LRRC23: variants seen among roughly 807,000 people sequenced by gnomAD.
LRRC23 encodes leucine rich repeat containing 23, also known as leucine-rich repeat-containing protein 23.
In LRRC23, 28 loss-of-function variants were observed where a neutral mutation model predicts 37.7. That is an observed-to-expected ratio of 0.74 (90% CI 0.55 to 1.02). The LOEUF (loss-of-function observed/expected upper bound fraction) is 1.02. Ranked by LOEUF, LRRC23 falls within the 50% of genes least tolerant of loss-of-function variation. LRRC23 has a pLI of 0.00. For synonymous variants in LRRC23, 161 were observed against 165.4 expected (o/e 0.97, Z 0.20); for missense variants, 377 against 413.2 (o/e 0.91, Z 0.76).
At position 6,905,611 on chromosome 12, in the gene LRRC23, A is replaced by G. The variant is rs1555139354; in HGVS notation, c.-23A>G. The stretch of plus-strand genomic sequence containing the variant: ...AGGAGGACTGAGCTTATCTGACTCC[A>G]GAGCTTTCAGGAGGGAAGAAAGATG... On this transcript the variant is annotated 5_prime_UTR_variant, in exon 2 of 8. Transcript: ENST00000443597. 6.2e-7 allele frequency: 1 copy of G among 1,613,014 alleles called. No homozygotes were observed. The highest frequency in any genetic ancestry group is 8.5e-7 in the Non-Finnish European group (1 of 1,179,272).
At chr12:6,912,505 TAC>T (rs1427352803) in intron 6 of LRRC23, among the ~76,000 whole-genome samples, 1 of 152,086 alleles carries the variant, frequency 6.6e-6, no homozygotes, top group African/African-American at 2.4e-5. Flanking sequence ...ATGAATGTAT[TAC>T]AGAGTAGAAT....
chr12:6,906,219 C>T (rs1298761011), intron 3 of LRRC23, among the ~76,000 whole-genome samples, 190 bp from the exon 4 acceptor site: 1 of 152,072 alleles, frequency 6.6e-6, no homozygotes, highest in African/African-American at 2.4e-5. Context: ...CCTTCACAGA[C>T]ACAGGTCTCT....
In LRRC23 at chr12:6,913,961, C is replaced by G. The variant is rs782689359; in HGVS notation, c.*95C>G. The G allele has an allele frequency of 2.5e-6, 4 of 1,613,876 alleles. No homozygotes were observed. Among genetic ancestry groups the G allele is most frequent in the South Asian group, 2.2e-5 (2 of 91,066 alleles). ...CAGCCACCACATGTATGACAGAGAA[C>G]AGAGGATGCCTGTTTTTGCCCCAAA... On this transcript the variant is annotated 3_prime_UTR_variant, in exon 8 of 8. Transcript: ENST00000443597.
At chr12:6,908,659 A>G (rs1264827192) in intron 5 of LRRC23, among the ~76,000 whole-genome samples, 1 of 122,628 alleles carries the variant, frequency 8.2e-6, no homozygotes, top group African/African-American at 4.0e-5. Flanking sequence ...TCTACTAAAA[A>G]TACAAAAAAA....
chr12:6,914,099 G>C lies in LRRC23; in HGVS notation c.*233G>C. The C allele has an allele frequency of 6.6e-7, 1 of 1,512,572 alleles. No homozygotes were observed. Among genetic ancestry groups the C allele is most frequent in the Non-Finnish European group, 8.8e-7 (1 of 1,132,276 alleles). The allele number at this position is 1,512,572 out of a possible 1,614,324, so 93.7% of individuals were successfully genotyped here. A position where few individuals can be genotyped will look rare whatever the true frequency, so the allele number is the denominator to read the frequency against. Reference sequence around the variant, plus strand: ...CTGAGCGTTGCCTGGAGCCTAGGCCGGGGGCCGCCCTCGGGCAGGCGTGGG... The same window carrying C: ...CTGAGCGTTGCCTGGAGCCTAGGCCCGGGGCCGCCCTCGGGCAGGCGTGGG... On this transcript the variant is annotated 3_prime_UTR_variant, in exon 8 of 8. Transcript: ENST00000443597. This position sits in a 1 kb window ranked among gnomAD's most constrained non-coding sequence, Gnocchi z 7.1.
chr12:6,912,754 G>T lies in LRRC23; in HGVS notation c.783G>T (p.Gly261=). ...NLRGNMVANL[G]ELAKLRDLPK... ...GGGGCAACATGGTGGCCAACCTGGGGGAGCTGGCCAAGCTTCGAGACCTGC... is the reference window on the plus strand; with the variant it reads ...GGGGCAACATGGTGGCCAACCTGGGTGAGCTGGCCAAGCTTCGAGACCTGC... The change falls in exon 7 of 8, where the codon GGG becomes GGT. Residue 261 remains glycine, a synonymous_variant. Transcript: ENST00000443597. The T allele has an allele frequency of 6.2e-7, 1 of 1,614,018 alleles. No individual in the cohort carries two copies. The highest frequency in any genetic ancestry group is 8.5e-7 in the Non-Finnish European group (1 of 1,180,012).
chr12:6,910,777 C>T (rs1297011731), intron 6 of LRRC23, among the ~76,000 whole-genome samples: 1 of 151,730 alleles, frequency 6.6e-6, no homozygotes, highest in African/African-American at 2.4e-5. Context: ...ATTAACTGAG[C>T]CTGGTGGTGC....
At chr12:6,910,431 C>T (rs972471614) in intron 6 of LRRC23, among the ~76,000 whole-genome samples, 3 of 151,876 alleles carry the variant, frequency 2.0e-5, no homozygotes, top group East Asian at 3.9e-4. Context: ...AATAATGGCC[C>T]GGCATGGTGG....
At chr12:6,909,180 AATTATATATT>A (rs1191762994) in intron 5 of LRRC23, among the ~76,000 whole-genome samples, 1 of 19,426 alleles carries the variant, frequency 5.1e-5, no homozygotes, top group Non-Finnish European at 6.8e-5. Flanking sequence ...TATAATATAT[AATTATATATT>A]ATATATAATA....
chr12:6,913,567 T>TTG (rs1555141116), intron 7 of LRRC23, among the ~76,000 whole-genome samples: 2 of 126,744 alleles, frequency 1.6e-5, no homozygotes, highest in African/African-American at 6.2e-5. Flanking sequence ...TTTTTTTTTT[T>TTG]TTTTTTTTTT....
chr12:6,911,746 G>T (rs1010849808), intron 6 of LRRC23, among the ~76,000 whole-genome samples: 3 of 152,154 alleles, frequency 2.0e-5, no homozygotes, highest in Admixed American at 6.5e-5. Flanking sequence ...GGTGGCTCAC[G>T]CCTGTAATCC....
At chr12:6,913,852 A>T (rs781806958) in intron 7 of LRRC23, 39 bp from the exon 8 acceptor site, 1 of 1,477,450 alleles carries the variant, frequency 6.8e-7, no homozygotes, top group East Asian at 2.4e-5. Context: ...GGTGAGCCAC[A>T]GCGCCTGGTC....
At chr12:6,907,956 T>TA (rs1347894623) in intron 5 of LRRC23, among the ~76,000 whole-genome samples, 1 of 152,150 alleles carries the variant, frequency 6.6e-6, no homozygotes, top group African/African-American at 2.4e-5. Context: ...ACCGCCCACA[T>TA]ACACCAGTTG....
chr12:6,913,075 A>G (rs1945206929), intron 7 of LRRC23, 48 bp downstream of exon 7: 2 of 1,573,360 alleles, frequency 1.3e-6, no homozygotes, highest in Non-Finnish European at 1.7e-6. Flanking sequence ...AGGGCTGGGC[A>G]GGTAGGGGAA....
Position 6,909,166 on chromosome 12 carries a change from A to ATATATAATATATAATTATATATT in LRRC23, c.622-724_622-723insTATATAATATATAATTATATATT, listed in dbSNP as rs1565553695. On this transcript the variant is annotated intron_variant, in intron 5 of 7. Coordinates refer to ENST00000443597, the MANE Select transcript of LRRC23 (RefSeq NM_001135217.2). ...ATTATATATTATATATTATATATAA[A>ATATATAATATATAATTATATATT]ATATATAATATATAATTATATATTA... Among the ~76,000 whole-genome samples, 3 of 11,274 alleles carry ATATATAATATATAATTATATATT rather than the reference A, an allele frequency of 2.7e-4. 1 individual carries two copies. Among genetic ancestry groups the ATATATAATATATAATTATATATT allele is most frequent in the Non-Finnish European group, 3.3e-4 (3 of 8,980 alleles). 7.4% of individuals were successfully genotyped at this position (11,274 alleles called of 152,430 possible). A position where few individuals can be genotyped will look rare whatever the true frequency, so the allele number is the denominator to read the frequency against.
intron 4 of LRRC23, among the ~76,000 whole-genome samples, chr12:6,906,939 G>A (rs1466112256): frequency 2.0e-5 from 3 of 152,174 alleles, no homozygotes; most frequent in African/African-American, 4.8e-5. Flanking sequence ...ATGTTAAAAG[G>A]AGACAAGTGC....
In LRRC23 at chr12:6,912,893, G is replaced by T; in HGVS notation, c.922G>T (p.Glu308Ter). 1 of 1,614,120 alleles carries T rather than the reference G, an allele frequency of 6.2e-7. No individual in the cohort carries two copies. Residue 308 changes from glutamate to a stop codon, truncating the protein, a stop_gained, in exon 7 of 8, where the codon GAG becomes TAG. Transcript: ENST00000443597. LOFTEE classifies it high-confidence loss of function. Reference sequence around the variant, plus strand: ...TGAACGCCTGGACAAGGAATTCTATGAGGAGGAGGAACGGGCTGAGGCTGA... The same window carrying T: ...TGAACGCCTGGACAAGGAATTCTATTAGGAGGAGGAACGGGCTGAGGCTGA... ...YLERLDKEFY[E>*]EEERAEADVI...
rs781930057 is a variant in LRRC23 at position 6,905,603 on chromosome 12, C to A, written c.-31C>A. The A allele has an allele frequency of 8.2e-5, 133 of 1,612,394 alleles. No homozygotes were observed. Among genetic ancestry groups the A allele is most frequent in the Non-Finnish European group, 1.1e-4 (131 of 1,179,084 alleles). On this transcript the variant is annotated 5_prime_UTR_variant, in exon 2 of 8. In the 5' UTR this introduces an upstream ATG that the reference lacks. Transcript: ENST00000443597. ...TTTTCAGGAGGAGGACTGAGCTTAT[C>A]TGACTCCAGAGCTTTCAGGAGGGAA...
At position 6,906,647 on chromosome 12, in the gene LRRC23, A is replaced by G; in HGVS notation, c.475A>G (p.Thr159Ala). Residue 159 changes from threonine (T) to alanine (A), a missense_variant, in exon 4 of 8, where the codon ACC becomes GCC. Thr to Ala is a moderately conservative substitution (Grantham distance 58, BLOSUM62 0). Transcript: ENST00000443597. ...AGGCATCTCTCATCCTCGTCTTGAA[A>G]CCCTGAATCTCAAAGGTGGGTCTTT... ...TEGISHPRLETLNLKGNSIHM... is the reference protein window; with the variant it reads ...TEGISHPRLEALNLKGNSIHM... 1.2e-6 allele frequency: 2 copies of G among 1,613,860 alleles called. No homozygotes were observed. The highest frequency in any genetic ancestry group is 1.7e-6 in the Non-Finnish European group (2 of 1,179,936).
Sources: allele counts gnomAD v4.1 joint callset (sites outside exome capture counted in the v4.1 genomes callset), GRCh38; gene constraint gnomAD v4.1.1; non-coding constraint Gnocchi (gnomAD v3.1); transcripts MANE v1.5; gene names NCBI Gene and HGNC (gene_info 2026-07-23, HGNC 2026-07-21).